EIF3E: variants seen among roughly 807,000 people sequenced by gnomAD.
The protein encoded by EIF3E is eukaryotic translation initiation factor 3 subunit E, also known as eIF-3 p48.
EIF3E carries 25 observed loss-of-function variants against 59.3 expected under a neutral mutation model. That is an observed-to-expected ratio of 0.42 (90% CI 0.31 to 0.59). The LOEUF (loss-of-function observed/expected upper bound fraction) is 0.59, where lower values mean the gene tolerates loss of function less well. Among genes scored for constraint, EIF3E ranks in the 20% least tolerant of loss-of-function variants. EIF3E has a pLI of 0.15. For synonymous variants in EIF3E, 176 were observed against 170.2 expected (o/e 1.03, Z -0.26); for missense variants, 317 against 534.3 (o/e 0.59, Z 4.01).
chr8:108,247,594 A>G (rs561845150), intron 1 of EIF3E, among the ~76,000 whole-genome samples: 2 of 152,302 alleles, frequency 1.3e-5, no homozygotes, highest in Admixed American at 1.3e-4. Context: ...ACGAGCCACA[A>G]CACCTGGACG....
At chr8:108,217,301 A>C (rs201365152) in intron 8 of EIF3E, 33 bp downstream of exon 8, 47 of 242,462 alleles carry the variant, frequency 1.9e-4, no homozygotes, top group Admixed American at 6.0e-4. Context: ...TTAGGTATTT[A>C]AAAAAAAAAA....
In EIF3E at chr8:108,225,795, A is replaced by G. The variant is rs557156028; in HGVS notation, c.722+2472T>C. The stretch of plus-strand genomic sequence containing the variant: ...CACAACAGACTGCAAGAAAGCAGGC[A>G]TGAAAACCCAGTTGTCAATTAACCC... On this transcript the variant is annotated intron_variant, in intron 7 of 12. Transcript: ENST00000220849. 2.0e-3 allele frequency among the ~76,000 whole-genome samples: 307 copies of G among 151,668 alleles called. 3 individuals are homozygous for G. The highest frequency in any genetic ancestry group is 4.6e-3 in the South Asian group (22 of 4,826).
intron 7 of EIF3E, chr8:108,227,480 A>G (rs1352411848): frequency 2.0e-5 from 3 of 152,228 alleles, no homozygotes; most frequent in Non-Finnish European, 4.4e-5. Flanking sequence ...ACTGTAATCT[A>G]TAAAGTTTAG....
intron 7 of EIF3E, among the ~76,000 whole-genome samples, chr8:108,219,232 T>C (rs35512115): frequency 6.6e-6 from 1 of 152,250 alleles, no homozygotes; most frequent in African/African-American, 2.4e-5. Context: ...CATTGCTCCA[T>C]ATACATCTTA....
intron 10 of EIF3E, among the ~76,000 whole-genome samples, chr8:108,210,113 T>TA (rs1275311859): frequency 6.6e-6 from 1 of 152,018 alleles, no homozygotes; most frequent in Non-Finnish European, 1.5e-5. Flanking sequence ...ACACAGTCTA[T>TA]GGGGTCTCCC....
chr8:108,208,394 C>A (rs1248106411), intron 10 of EIF3E, among the ~76,000 whole-genome samples: 1 of 151,938 alleles, frequency 6.6e-6, no homozygotes, highest in African/African-American at 2.4e-5. Context: ...TTTAAGACAA[C>A]TAATTAAAGA....
intron 6 of EIF3E, among the ~76,000 whole-genome samples, chr8:108,228,703 C>T (rs1455051196): frequency 6.6e-6 from 1 of 152,052 alleles, no homozygotes; most frequent in Non-Finnish European, 1.5e-5. Context: ...TTAAACTGAA[C>T]ATTTCATAGT....
chr8:108,203,024 T>G lies in EIF3E; in HGVS notation c.1258A>C (p.Met420Leu). The change falls in exon 12 of 13, where the codon ATG (methionine) becomes CTG (leucine). Residue 420 changes from methionine to leucine, a missense_variant. This residue lies in a region of EIF3E where 45 missense variants were observed against 97.8 expected (regional missense o/e 0.46). Transcript: ENST00000220849. ...SLSFRSQMLA[M>L]NIEKKLNQNS... ...TGATTAAGTTTCTTCTCAATATTCATGGCCAACATCTGGCTTCTAAAGGAA... is the reference window on the plus strand; with the variant it reads ...TGATTAAGTTTCTTCTCAATATTCAGGGCCAACATCTGGCTTCTAAAGGAA... The G allele has an allele frequency of 6.2e-7, 1 of 1,612,828 alleles. No homozygotes were observed. Among genetic ancestry groups the G allele is most frequent in the Non-Finnish European group, 8.5e-7 (1 of 1,179,114 alleles).
At chr8:108,240,979 C>CA (rs36025931) in intron 2 of EIF3E, among the ~76,000 whole-genome samples, 22 of 147,242 alleles carry the variant, frequency 1.5e-4, no homozygotes, top group African/African-American at 2.2e-4. Context: ...GACTCCATCT[C>CA]AAAAAAAAAA....
intron 1 of EIF3E, chr8:108,242,149 T>C: frequency 7.2e-7 from 1 of 1,388,310 alleles, no homozygotes; most frequent in Non-Finnish European, 9.5e-7. Flanking sequence ...CTGTAGACAT[T>C]CCCACCTACT....
intron 1 of EIF3E, among the ~76,000 whole-genome samples, chr8:108,243,781 T>C (rs1400651046): frequency 6.6e-6 from 1 of 152,118 alleles, no homozygotes; most frequent in Non-Finnish European, 1.5e-5. Flanking sequence ...CTTGTATGAA[T>C]GAACGTCATA....
At chr8:108,217,970 G>C (rs1168471037) in intron 7 of EIF3E, among the ~76,000 whole-genome samples, 1 of 152,182 alleles carries the variant, frequency 6.6e-6, no homozygotes, top group African/African-American at 2.4e-5. Flanking sequence ...TAGGAATTAG[G>C]AAGGAATAGA....
chr8:108,231,079 T>G (rs1815614262), intron 5 of EIF3E, among the ~76,000 whole-genome samples: 1 of 152,174 alleles, frequency 6.6e-6, no homozygotes, highest in Admixed American at 6.5e-5. Flanking sequence ...TTCTTTATCT[T>G]GACTTAATGT....
At chr8:108,203,994 C>T (rs1815044114) in intron 10 of EIF3E, among the ~76,000 whole-genome samples, 1 of 151,862 alleles carries the variant, frequency 6.6e-6, no homozygotes, top group African/African-American at 2.4e-5. Context: ...AGTATAACAC[C>T]TATTTACATA....
chr8:108,203,359 T>A, intron 11 of EIF3E, 42 bp downstream of exon 11: 1 of 1,541,888 alleles, frequency 6.5e-7, no homozygotes, highest in Non-Finnish European at 8.9e-7. Flanking sequence ...AAAAGTATAA[T>A]CAGGAACTGA....
chr8:108,206,602 A>ATG (rs879581230), intron 10 of EIF3E, among the ~76,000 whole-genome samples: 6,368 of 149,384 alleles, frequency 0.043, 242 homozygotes, highest in African/African-American at 0.098. Context: ...GCACACACAC[A>ATG]CACACACACA....
intron 10 of EIF3E, among the ~76,000 whole-genome samples, chr8:108,211,607 C>A (rs576640759): frequency 2.6e-5 from 4 of 152,158 alleles, no homozygotes; most frequent in South Asian, 2.1e-4. Context: ...CTTAGAAACA[C>A]GAAGAAGCTT....
intron 7 of EIF3E, among the ~76,000 whole-genome samples, chr8:108,223,009 A>G (rs1332837679): frequency 6.6e-6 from 1 of 152,142 alleles, no homozygotes; most frequent in Admixed American, 6.5e-5. Flanking sequence ...AAATTTAATA[A>G]TCAAAACATA....
At chr8:108,241,402 T>C (rs1030547345) in intron 2 of EIF3E, among the ~76,000 whole-genome samples, 1 of 152,026 alleles carries the variant, frequency 6.6e-6, no homozygotes, top group African/African-American at 2.4e-5. Flanking sequence ...GGGACCATAT[T>C]TGGAGAACAA....
Sources: allele counts gnomAD v4.1 joint callset (sites outside exome capture counted in the v4.1 genomes callset), GRCh38; gene constraint gnomAD v4.1.1; regional missense constraint gnomAD v4.1.1; transcripts MANE v1.5; gene names NCBI Gene and HGNC (gene_info 2026-07-23, HGNC 2026-07-21).